The following ARAP2 variants were observed in gnomAD, a reference collection of about 807,000 sequenced individuals.
ARAP2 encodes arf-GAP with Rho-GAP domain, ANK repeat and PH domain-containing protein 2.
A neutral mutation model predicts 194.5 loss-of-function variants in ARAP2; 148 were observed. That is an observed-to-expected ratio of 0.76 (90% CI 0.67 to 0.87). The LOEUF (loss-of-function observed/expected upper bound fraction) is 0.87, where lower values mean the gene tolerates loss of function less well. ARAP2 is among the 40% of genes least tolerant of loss of function. The pLI is 0.00. For synonymous variants in ARAP2, 695 were observed against 683.5 expected, an observed-to-expected ratio of 1.02 and a Z score of -0.26; for missense variants, 2,128 against 1,989.7, an observed-to-expected ratio of 1.07 and a Z score of -1.32.
chr4:36,090,914 T>A (rs1444927869), intron 28 of ARAP2, among the ~76,000 whole-genome samples: 3 of 152,016 alleles, frequency 2.0e-5, no homozygotes, highest in East Asian at 1.9e-4. Flanking sequence ...CAAAAAAAAA[T>A]TTCAACAAAT....
chr4:36,143,922 A>G (rs1326139158), intron 19 of ARAP2, among the ~76,000 whole-genome samples: 1 of 151,846 alleles, frequency 6.6e-6, no homozygotes, highest in Admixed American at 6.6e-5. Flanking sequence ...CTTTTCCATG[A>G]ACTCAAAAAT....
At chr4:36,035,035 C>T (rs1224105066) in intron 5 of ARAP2, among the ~76,000 whole-genome samples, 1 of 151,912 alleles carries the variant, frequency 6.6e-6, no homozygotes, top group South Asian at 2.1e-4. Context: ...AGGATATTGG[C>T]CTGAAGGTTT....
chr4:36,172,237 T>C (rs1736823893), intron 9 of ARAP2, among the ~76,000 whole-genome samples: 1 of 152,242 alleles, frequency 6.6e-6, no homozygotes, highest in Non-Finnish European at 1.5e-5. Context: ...ATGTAGGCAC[T>C]GCAGGTCAGG....
rs1560264988 is a variant in ARAP2, at chr4:36,014,320, A to AGG, written n.1056+1065_1056+1066insCC. ...AAGAAGAGAAGGAAGGAAAGAAAGA[A>AGG]AGAGAGAAAGAAAGAAAGAAAGAAA... On this transcript the variant is annotated intron_variant and non_coding_transcript_variant, in intron 8 of 12. Coordinates refer to the ARAP2 transcript ENST00000503225. Among the ~76,000 whole-genome samples the AGG allele has an allele frequency of 8.0e-4, 85 of 106,898 alleles. 2 individuals are homozygous for AGG. The highest frequency in any genetic ancestry group is 1.2e-3 in the Non-Finnish European group (59 of 50,474). 70.1% of individuals were successfully genotyped at this position (106,898 alleles called of 152,430 possible).
In ARAP2 at chr4:36,067,803, T is replaced by C. The variant is rs568051717; in HGVS notation, c.*104A>G. ...AAGCATAGACAAATTTGCCTATCAA[T>C]AGGCAAATTCTTATGAATTATCTTA... On this transcript the variant is annotated 3_prime_UTR_variant, in exon 33 of 33. Coordinates refer to ENST00000303965, the MANE Select transcript of ARAP2 (RefSeq NM_015230.4). 3.4e-5 allele frequency: 47 copies of C among 1,369,120 alleles called. No homozygotes were observed. The South Asian group carries it at 5.3e-4, about 15-fold the overall frequency. 84.8% of individuals were successfully genotyped at this position (1,369,120 alleles called of 1,614,324 possible). A position where few individuals can be genotyped will look rare whatever the true frequency, so the allele number is the denominator to read the frequency against.
intron 20 of ARAP2, among the ~76,000 whole-genome samples, chr4:36,131,234 A>ATC (rs2109602468): frequency 6.6e-6 from 1 of 151,686 alleles, no homozygotes; most frequent in South Asian, 2.1e-4. Context: ...AAATATATAT[A>ATC]TGATATAAAC....
intron 15 of ARAP2, among the ~76,000 whole-genome samples, chr4:36,155,103 C>A (rs1045669029): frequency 6.6e-6 from 1 of 152,208 alleles, no homozygotes; most frequent in Non-Finnish European, 1.5e-5. Flanking sequence ...CACCCATTTA[C>A]ACTAGTAGTA....
chr4:36,193,846 T>C (rs534979417), intron 6 of ARAP2, among the ~76,000 whole-genome samples, 199 bp from the exon 7 acceptor site: 1 of 152,306 alleles, frequency 6.6e-6, no homozygotes, highest in East Asian at 1.9e-4. Context: ...TCAGTTGACC[T>C]AGGAATTTTT....
intron 12 of ARAP2, 133 bp from the exon 13 acceptor site, chr4:36,160,774 C>T (rs1733717211): frequency 6.8e-6 from 5 of 740,342 alleles, no homozygotes; most frequent in Non-Finnish European, 9.4e-6. Context: ...AAAGACTCAA[C>T]TATTCCAGAA....
At chr4:36,077,286 G>A (rs60250714) in intron 31 of ARAP2, among the ~76,000 whole-genome samples, 4 of 151,758 alleles carry the variant, frequency 2.6e-5, no homozygotes, top group Admixed American at 6.6e-5. Context: ...ATATCTGATC[G>A]AAACAATCTG....
chr4:36,009,634 C>T (rs984786073), intron 9 of ARAP2, among the ~76,000 whole-genome samples: 1 of 152,118 alleles, frequency 6.6e-6, no homozygotes, highest in African/African-American at 2.4e-5. Flanking sequence ...ATATTTATCC[C>T]CTGATTATAA....
rs1003810975 is a variant in ARAP2, at chr4:36,244,335, C to T, written c.-316G>A. ...GTCCCCGCCGGCTGTCCGCAGTCGC[C>T]TCTGCTGCCTGGCGGCGGCCGCGCG... On this transcript the variant is annotated 5_prime_UTR_variant, in exon 1 of 33. Coordinates refer to ENST00000303965, the MANE Select transcript of ARAP2 (RefSeq NM_015230.4). 4 of 151,688 alleles carry T rather than the reference C, an allele frequency of 2.6e-5. No homozygotes were observed. Among genetic ancestry groups the T allele is most frequent in the East Asian group, 2.0e-4 (1 of 5,126 alleles). 9.4% of individuals were successfully genotyped at this position (151,688 alleles called of 1,614,324 possible).
intron 20 of ARAP2, among the ~76,000 whole-genome samples, chr4:36,130,291 G>A (rs1477186779): frequency 3.3e-5 from 5 of 151,816 alleles, no homozygotes; most frequent in Non-Finnish European, 7.4e-5. Flanking sequence ...CTGCCTATGC[G>A]GCAAAGTTTG....
chr4:36,205,772 G>C (rs1252560334), intron 6 of ARAP2, among the ~76,000 whole-genome samples: 1 of 152,180 alleles, frequency 6.6e-6, no homozygotes, highest in Non-Finnish European at 1.5e-5. Context: ...ATGTCTGTCT[G>C]ATTCCAAACC....
chr4:36,168,913 C>T (rs1308916853), intron 9 of ARAP2, among the ~76,000 whole-genome samples: 1 of 152,024 alleles, frequency 6.6e-6, no homozygotes, highest in African/African-American at 2.4e-5. Flanking sequence ...TCCAATCTGC[C>T]GCATTTTAAT....
intron 27 of ARAP2, among the ~76,000 whole-genome samples, chr4:36,101,531 G>A (rs1716930915): frequency 6.6e-6 from 1 of 151,472 alleles, no homozygotes; most frequent in East Asian, 1.9e-4. Flanking sequence ...GATATATTTA[G>A]TTTATATTCA....
intron 31 of ARAP2, among the ~76,000 whole-genome samples, chr4:36,074,885 ATGTT>A (rs1277399555): frequency 6.6e-6 from 1 of 152,106 alleles, no homozygotes; most frequent in African/African-American, 2.4e-5. Context: ...GCCAAGCTGT[ATGTT>A]TATCAATGTA....
At chr4:36,193,153 T>C (rs1011829301) in intron 7 of ARAP2, among the ~76,000 whole-genome samples, 2 of 152,194 alleles carry the variant, frequency 1.3e-5, no homozygotes, top group African/African-American at 4.8e-5. Flanking sequence ...TTCTCAGCCA[T>C]AGAGCATGCA....
At chr4:36,107,109 G>A (rs758977636) in intron 27 of ARAP2, among the ~76,000 whole-genome samples, 8 of 151,920 alleles carry the variant, frequency 5.3e-5, no homozygotes, top group Non-Finnish European at 5.9e-5. Flanking sequence ...CTTACTGGAA[G>A]TATTTTATTT....
Sources: gnomAD v4.1 joint callset for allele counts (sites outside exome capture counted in the v4.1 genomes callset) on GRCh38, gnomAD v4.1.1 for gene constraint, MANE v1.5 for transcripts, NCBI Gene and HGNC (gene_info 2026-07-23, HGNC 2026-07-21) for gene names.